The following DLGAP1 variants were observed in gnomAD, a reference collection of about 807,000 sequenced individuals.
DLGAP1 encodes DLG associated protein 1.
A neutral mutation model predicts 90.8 loss-of-function variants in DLGAP1; 11 were observed. That is an observed-to-expected ratio of 0.12 (90% CI 0.08 to 0.20). The LOEUF (loss-of-function observed/expected upper bound fraction) is 0.20. Among genes scored for constraint, DLGAP1 ranks in the 10% least tolerant of loss-of-function variants. The pLI is 1.00. For synonymous variants in DLGAP1, 558 were observed against 540.7 expected (o/e 1.03, Z -0.44); for missense variants, 1,050 against 1,333.8 (o/e 0.79, Z 3.31).
chr18:3,918,384 T>C (rs1203494566), intron 3 of DLGAP1, among the ~76,000 whole-genome samples: 1 of 152,230 alleles, frequency 6.6e-6, no homozygotes, highest in African/African-American at 2.4e-5. Context: ...CATTTAACCT[T>C]TGAGTCTCAG....
At chr18:3,680,840 G>C (rs548366477) in intron 7 of DLGAP1, among the ~76,000 whole-genome samples, 1 of 151,496 alleles carries the variant, frequency 6.6e-6, no homozygotes, top group African/African-American at 2.4e-5. Context: ...ATGACTCATG[G>C]TAGTGTTTTT....
At chr18:3,751,622 G>A (rs901687933) in intron 5 of DLGAP1, among the ~76,000 whole-genome samples, 3 of 149,980 alleles carry the variant, frequency 2.0e-5, no homozygotes, top group African/African-American at 4.9e-5. Context: ...GCAGTGGCAC[G>A]ATCTTGTGTC....
intron 2 of DLGAP1, among the ~76,000 whole-genome samples, chr18:4,014,204 G>A (rs904350723): frequency 2.0e-5 from 3 of 150,922 alleles, no homozygotes; most frequent in African/African-American, 7.3e-5. Context: ...TCCTGCCTCA[G>A]CCTCCCGAGT....
At chr18:4,104,411 A>G (rs75034916) in intron 2 of DLGAP1, among the ~76,000 whole-genome samples, 11,509 of 152,150 alleles carry the variant, frequency 0.076, 462 homozygotes, top group East Asian at 0.17. Flanking sequence ...TATATCCCAT[A>G]CATTTATCTG....
intron 3 of DLGAP1, among the ~76,000 whole-genome samples, chr18:3,900,728 G>A (rs1318810423): frequency 6.6e-6 from 1 of 152,024 alleles, no homozygotes; most frequent in Non-Finnish European, 1.5e-5. Context: ...TTGGTTAGAG[G>A]AAAAAAAGAA....
intron 3 of DLGAP1, among the ~76,000 whole-genome samples, chr18:3,899,332 C>A (rs1345960602): frequency 6.6e-6 from 1 of 152,164 alleles, no homozygotes; most frequent in Non-Finnish European, 1.5e-5. Flanking sequence ...TTTCATCTCC[C>A]AGACAAATAA....
intron 1 of DLGAP1, among the ~76,000 whole-genome samples, chr18:4,265,805 CG>C (rs1259929436): frequency 1.3e-5 from 2 of 151,376 alleles, no homozygotes; most frequent in African/African-American, 4.9e-5. Flanking sequence ...TTCCTGCCTC[CG>C]CCTTCTCAGT....
intron 1 of DLGAP1, among the ~76,000 whole-genome samples, chr18:4,356,515 G>A (rs2081520154): frequency 6.6e-6 from 1 of 152,116 alleles, no homozygotes; most frequent in Admixed American, 6.6e-5. Context: ...AAATATTGGT[G>A]TCATGAATTT....
intron 2 of DLGAP1, among the ~76,000 whole-genome samples, chr18:4,087,005 G>A (rs1262819375): frequency 1.4e-5 from 2 of 145,986 alleles, no homozygotes; most frequent in African/African-American, 5.1e-5. Context: ...TAATATTTTA[G>A]TTCTGAAGTC....
intron 1 of DLGAP1, among the ~76,000 whole-genome samples, chr18:4,381,869 T>C (rs919313754): frequency 2.0e-5 from 3 of 152,076 alleles, no homozygotes; most frequent in Non-Finnish European, 4.4e-5. Context: ...GGTTTAGGAC[T>C]CACAGTTCCA....
intron 7 of DLGAP1, chr18:3,597,323 C>G (rs2056639275): frequency 2.2e-6 from 1 of 448,958 alleles, no homozygotes; most frequent in Non-Finnish European, 4.3e-6. Context: ...ATGAAGACTC[C>G]CTGCCCGGCT....
intron 8 of DLGAP1, among the ~76,000 whole-genome samples, chr18:3,573,053 T>C (rs894262023): frequency 6.6e-6 from 1 of 152,220 alleles, no homozygotes; most frequent in Non-Finnish European, 1.5e-5. Flanking sequence ...TCAGTAAAGG[T>C]ATATTATTTT....
At chr18:3,916,480 A>C (rs1445608926) in intron 3 of DLGAP1, among the ~76,000 whole-genome samples, 1 of 152,152 alleles carries the variant, frequency 6.6e-6, no homozygotes, top group Non-Finnish European at 1.5e-5. Flanking sequence ...GATCTACCTA[A>C]AGCTCTCATA....
At chr18:3,795,595 T>C (rs2065952907) in intron 5 of DLGAP1, among the ~76,000 whole-genome samples, 1 of 152,294 alleles carries the variant, frequency 6.6e-6, no homozygotes, top group Admixed American at 6.5e-5. Context: ...ATTACAGGCA[T>C]GAGTCACCGC....
chr18:4,279,244 A>G (rs1568487505), intron 1 of DLGAP1, among the ~76,000 whole-genome samples: 3 of 152,244 alleles, frequency 2.0e-5, no homozygotes, highest in Non-Finnish European at 4.4e-5. Context: ...TTCACTTAGC[A>G]ACATACAGGA....
chr18:3,968,674 T>C (rs535608363), intron 3 of DLGAP1, among the ~76,000 whole-genome samples: 2 of 152,344 alleles, frequency 1.3e-5, no homozygotes, highest in South Asian at 2.1e-4. Flanking sequence ...AATATTCAAT[T>C]ATTTGTGCAA....
chr18:3,580,643 C>A, intron 8 of DLGAP1: 2 of 1,603,484 alleles, frequency 1.2e-6, no homozygotes, highest in Non-Finnish European at 8.5e-7. Flanking sequence ...GTCGGCTGAC[C>A]CAGAGGCGAG....
At position 3,660,237 on chromosome 18, in the gene DLGAP1, G is replaced by A. The variant is rs545743755; in HGVS notation, c.1591+68898C>T. On this transcript the variant is annotated intron_variant, in intron 7 of 12. Transcript: ENST00000315677. This position sits in a 1 kb window ranked among gnomAD's most constrained non-coding sequence, Gnocchi z 4.2. ...TTGGCCAGCCTGGCCTTGAACTTCTGATTTCAAGCAATCCTCCAGCCTCAG... is the reference window on the plus strand; with the variant it reads ...TTGGCCAGCCTGGCCTTGAACTTCTAATTTCAAGCAATCCTCCAGCCTCAG... 8.1e-4 allele frequency among the ~76,000 whole-genome samples: 124 copies of A among 152,252 alleles called. No individual in the cohort carries two copies. Among genetic ancestry groups the A allele is most frequent in the Non-Finnish European group, 1.1e-3 (74 of 68,020 alleles).
At chr18:4,248,152 C>G (rs925387039) in intron 1 of DLGAP1, among the ~76,000 whole-genome samples, 2 of 152,160 alleles carry the variant, frequency 1.3e-5, no homozygotes, top group African/African-American at 4.8e-5. Context: ...CCCTTGCTGC[C>G]TCTCCAAAAG....
Sources: allele counts gnomAD v4.1 joint callset (sites outside exome capture counted in the v4.1 genomes callset), GRCh38; gene constraint gnomAD v4.1.1; non-coding constraint Gnocchi (gnomAD v3.1); transcripts MANE v1.5; gene names NCBI Gene and HGNC (gene_info 2026-07-23, HGNC 2026-07-21).